Variants in ROBO2 observed in about 807,000 individuals in gnomAD.
ROBO2 encodes roundabout homolog 2.
ROBO2 carries 53 observed loss-of-function variants against 160.8 expected under a neutral mutation model. The observed-to-expected ratio is 0.33, with a 90% CI of 0.26 to 0.41. ROBO2 has a LOEUF of 0.41. Ranked by LOEUF, ROBO2 falls within the 10% of genes least tolerant of loss-of-function variation. The pLI is 1.00. For synonymous variants in ROBO2, 664 were observed against 611.7 expected, an observed-to-expected ratio of 1.09 and a Z score of -1.26; for missense variants, 1,577 against 1,722.4, an observed-to-expected ratio of 0.92 and a Z score of 1.49.
intron 2 of ROBO2, among the ~76,000 whole-genome samples, chr3:76,949,579 C>A (rs1337593365): frequency 6.6e-6 from 1 of 152,200 alleles, no homozygotes; most frequent in African/African-American, 2.4e-5. Flanking sequence ...GTGTCCACGT[C>A]CGACCGGCTT....
intron 23 of ROBO2, chr3:77,632,376 A>G (rs1029639564): frequency 2.0e-5 from 17 of 860,694 alleles, no homozygotes; most frequent in Non-Finnish European, 2.7e-5. Flanking sequence ...ACTTCAAGGA[A>G]GAAGCATGGA....
At chr3:77,165,892 AT>A (rs2079032216) in intron 2 of ROBO2, among the ~76,000 whole-genome samples, 1 of 152,190 alleles carries the variant, frequency 6.6e-6, no homozygotes, top group South Asian at 2.1e-4. Context: ...ATTTCAGTAT[AT>A]AGAAATTTCA....
At chr3:76,780,847 G>C (rs1355160834) in intron 2 of ROBO2, among the ~76,000 whole-genome samples, 1 of 150,518 alleles carries the variant, frequency 6.6e-6, no homozygotes, top group African/African-American at 2.4e-5. Flanking sequence ...ATCAGAAAGT[G>C]TAATGTTTTC....
At chr3:77,558,848 A>G (rs929003990) in intron 9 of ROBO2, among the ~76,000 whole-genome samples, 5 of 152,128 alleles carry the variant, frequency 3.3e-5, no homozygotes, top group African/African-American at 9.7e-5. Context: ...TAAAAGCAAC[A>G]CACATTTATT....
At chr3:77,050,226 G>A (rs1355493476) in intron 1 of ROBO2, among the ~76,000 whole-genome samples, 2 of 152,122 alleles carry the variant, frequency 1.3e-5, no homozygotes, top group East Asian at 3.9e-4. Context: ...TAACAGTACA[G>A]TTATTGAAAA....
At chr3:76,810,796 T>C (rs1335717510) in intron 2 of ROBO2, among the ~76,000 whole-genome samples, 3 of 152,144 alleles carry the variant, frequency 2.0e-5, no homozygotes, top group Non-Finnish European at 4.4e-5. Flanking sequence ...ATTCCATTTG[T>C]AAGTGTAGTA....
chr3:76,338,538 TG>T (rs1378795178), intron 2 of ROBO2, among the ~76,000 whole-genome samples: 1 of 151,546 alleles, frequency 6.6e-6, no homozygotes, highest in Non-Finnish European at 1.5e-5. Flanking sequence ...CCAGACATAG[TG>T]GTGCATGCCT....
chr3:76,175,199 G>C (rs2073186519), intron 2 of ROBO2, among the ~76,000 whole-genome samples: 1 of 151,834 alleles, frequency 6.6e-6, no homozygotes, highest in South Asian at 2.1e-4. Context: ...TGTGATTTTT[G>C]GACATTGATT....
At chr3:76,583,497 T>TA (rs2085835870) in intron 2 of ROBO2, among the ~76,000 whole-genome samples, 1 of 152,230 alleles carries the variant, frequency 6.6e-6, no homozygotes, top group Admixed American at 6.5e-5. Flanking sequence ...TTAAACTACC[T>TA]GACTTCCCAC....
intron 2 of ROBO2, among the ~76,000 whole-genome samples, chr3:77,103,239 T>G (rs1202624170): frequency 6.6e-6 from 1 of 152,148 alleles, no homozygotes; most frequent in African/African-American, 2.4e-5. Flanking sequence ...GAGGGGGTTC[T>G]GGCCTAAATG....
intron 24 of ROBO2, among the ~76,000 whole-genome samples, chr3:77,640,382 C>T (rs990430285): frequency 1.5e-4 from 23 of 151,970 alleles, no homozygotes; most frequent in African/African-American, 4.4e-4. Context: ...CAAAGTGCTG[C>T]GATTTACAGG....
chr3:77,342,077 G>A (rs2067126056), intron 2 of ROBO2, among the ~76,000 whole-genome samples: 1 of 152,044 alleles, frequency 6.6e-6, no homozygotes, highest in African/African-American at 2.4e-5. Flanking sequence ...GATGTATAAT[G>A]ACAGGCACAA....
intron 2 of ROBO2, among the ~76,000 whole-genome samples, chr3:76,835,722 A>G (rs1278167501): frequency 3.3e-5 from 5 of 152,028 alleles, no homozygotes; most frequent in East Asian, 1.9e-4. Flanking sequence ...GCGTGTTGAC[A>G]TATTTTTCTA....
chr3:77,300,586 A>G (rs1335520070), intron 2 of ROBO2, among the ~76,000 whole-genome samples: 1 of 152,122 alleles, frequency 6.6e-6, no homozygotes, highest in Non-Finnish European at 1.5e-5. Context: ...AAAAAAAATA[A>G]ATTGTTGATA....
chr3:77,007,908 A>G (rs2061665951), intron 2 of ROBO2, among the ~76,000 whole-genome samples: 1 of 152,068 alleles, frequency 6.6e-6, no homozygotes, highest in Admixed American at 6.5e-5. Context: ...TTGCCAAAGA[A>G]TTATGTACAA....
At chr3:77,607,005 A>G (rs112479062) in intron 20 of ROBO2, among the ~76,000 whole-genome samples, 27 of 152,350 alleles carry the variant, frequency 1.8e-4, no homozygotes, top group African/African-American at 6.0e-4. Context: ...GGCACTGTCC[A>G]AATGATAAAT....
At chr3:77,407,546 TAAAG>T (rs2076350076) in intron 2 of ROBO2, among the ~76,000 whole-genome samples, 1 of 152,152 alleles carries the variant, frequency 6.6e-6, no homozygotes, top group Admixed American at 6.5e-5. Context: ...CATGTGCAAA[TAAAG>T]AGAGCTTAGC....
At chr3:76,722,373 G>A (rs963592360) in intron 2 of ROBO2, among the ~76,000 whole-genome samples, 1 of 152,048 alleles carries the variant, frequency 6.6e-6, no homozygotes, top group Non-Finnish European at 1.5e-5. Flanking sequence ...GCCCTTCTCA[G>A]CCTCCCAAAG....
At chr3:76,878,040 AG>A (rs2072941237) in intron 2 of ROBO2, among the ~76,000 whole-genome samples, 2 of 152,322 alleles carry the variant, frequency 1.3e-5, no homozygotes, top group African/African-American at 4.8e-5. Flanking sequence ...ACCTTCTAAA[AG>A]CCCTATCTCC....
Sources: allele counts gnomAD v4.1 joint callset (sites outside exome capture counted in the v4.1 genomes callset), GRCh38; gene constraint gnomAD v4.1.1; transcripts MANE v1.5; gene names NCBI Gene and HGNC (gene_info 2026-07-23, HGNC 2026-07-21).